The following MYBPC3 variants were observed in gnomAD, a reference collection of about 807,000 sequenced individuals.
The protein encoded by MYBPC3 is myosin-binding protein C, cardiac-type.
A neutral mutation model predicts 159.3 loss-of-function variants in MYBPC3; 108 were observed. The observed-to-expected ratio is 0.68, with a 90% CI of 0.58 to 0.80. The LOEUF is 0.80. Ranked by LOEUF, MYBPC3 falls within the 30% of genes least tolerant of loss-of-function variation. MYBPC3 has a pLI of 0.00. For missense variants in MYBPC3, 1,631 were observed against 1,762.1 expected, an observed-to-expected ratio of 0.93 and a Z score of 1.33; for synonymous variants, 730 against 702.0, an observed-to-expected ratio of 1.04 and a Z score of -0.63.
rs891357434 is a variant in MYBPC3 at position 47,338,883 on chromosome 11, G to A, written c.2149-204C>T. Among the ~76,000 whole-genome samples the A allele has an allele frequency of 5.3e-5, 8 of 152,138 alleles. No homozygotes were observed. The highest frequency in any genetic ancestry group is 1.0e-4 in the Non-Finnish European group (7 of 68,012). On this transcript the variant is annotated intron_variant, in intron 22 of 34. Transcript: ENST00000545968. The surrounding 1 kb of genome is among the most constrained non-coding windows in gnomAD (Gnocchi z 4.7). Reference sequence around the variant, plus strand: ...GGGTTCTAGCTTTGTCACGGGACCTGGGGCAACCACCTGTCCTCTCAGATG... The same window carrying A: ...GGGTTCTAGCTTTGTCACGGGACCTAGGGCAACCACCTGTCCTCTCAGATG...
In MYBPC3 at chr11:47,338,928, C is replaced by T. The variant is rs1032201365; in HGVS notation, c.2149-249G>A. Among the ~76,000 whole-genome samples the T allele has an allele frequency of 6.6e-6, 1 of 152,216 alleles. No homozygotes were observed. On this transcript the variant is annotated intron_variant, in intron 22 of 34. Coordinates refer to ENST00000545968, the MANE Select transcript of MYBPC3 (RefSeq NM_000256.3). The surrounding 1 kb of genome is among the most constrained non-coding windows in gnomAD (Gnocchi z 4.7). ...CAGATGAGCTATCATGAGGACCCCT[C>T]AAGACCCCAGCCTTCAGAAGAACCA... is the stretch of plus-strand genomic sequence containing the variant.
chr11:47,333,797 G>A (rs776551481), intron 28 of MYBPC3, 45 bp from the exon 29 acceptor site: 2 of 1,557,746 alleles, frequency 1.3e-6, no homozygotes, highest in East Asian at 2.3e-5. Context: ...TCACTCCAAG[G>A]GCCGGCCGCC....
Position 47,332,168 on chromosome 11 carries a change from TCTCCAGAGTCAACA to T in MYBPC3, c.3704_3717del (p.Val1235AspfsTer2), listed in dbSNP as rs2095877765. On this transcript the variant is annotated frameshift_variant, in exon 33 of 35. Transcript: ENST00000545968. LOFTEE classifies it high-confidence loss of function. This position sits in a 1 kb window ranked among gnomAD's most constrained non-coding sequence, Gnocchi z 4.2. ...CCGTCAAAGGGGCAGGGCTTTCTAA[TCTCCAGAGTCAACA>T]CTCCCTGCTTGCTGAACATGCGGAA... 6.2e-7 allele frequency: 1 copy of T among 1,613,650 alleles called. No individual in the cohort carries two copies. Among genetic ancestry groups the T allele is most frequent in the Non-Finnish European group, 8.5e-7 (1 of 1,179,902 alleles).
rs946763177 is a variant in MYBPC3 at position 47,335,131 on chromosome 11, C to T, written c.2816G>A (p.Arg939Gln). The change falls in exon 27 of 35, where the codon CGG becomes CAG. Residue 939 changes from arginine to glutamine, a missense_variant. Arg to Gln is a conservative substitution (Grantham distance 43). Transcript: ENST00000545968. ...ILVKDLPTGARLLFRVRAHNM... is the reference protein window; with the variant it reads ...ILVKDLPTGAQLLFRVRAHNM... ...GTGTGCCCGCACTCGGAAAAGCAGC[C>T]GGGCCCCCGTGGGCAGGTCCTTCAC... 1.3e-5 allele frequency: 21 copies of T among 1,612,532 alleles called. No homozygotes were observed. The highest frequency in any genetic ancestry group is 2.2e-5 in the East Asian group (1 of 44,758).
rs959418808 is a variant in MYBPC3, at chr11:47,335,909, T to C, written c.2705A>G (p.Asp902Gly). Reference sequence around the variant, plus strand: ...TGGGCAGTACTCCACGCTGTAGCCATCCAGGCCTCCTGCTCCCACGCGCTC... The same window carrying C: ...TGGGCAGTACTCCACGCTGTAGCCACCCAGGCCTCCTGCTCCCACGCGCTC... Reference protein sequence around the residue: ...PPERVGAGGLDGYSVEYCPEG... With the variant: ...PPERVGAGGLGGYSVEYCPEG... Residue 902 changes from aspartate to glycine, a missense_variant, in exon 26 of 35, where the codon GAT becomes GGT. Asp to Gly is a moderately conservative substitution (Grantham distance 94). Coordinates refer to ENST00000545968, the MANE Select transcript of MYBPC3 (RefSeq NM_000256.3). 1.9e-6 allele frequency: 3 copies of C among 1,542,984 alleles called. No homozygotes were observed. Among genetic ancestry groups the C allele is most frequent in the Non-Finnish European group, 1.7e-6 (2 of 1,143,132 alleles).
rs745577609 is a variant in MYBPC3, at chr11:47,346,158, G to A, written c.1090+49C>T. 117 of 1,608,298 alleles carry A rather than the reference G, an allele frequency of 7.3e-5. No individual in the cohort carries two copies. Among genetic ancestry groups the A allele is most frequent in the Non-Finnish European group, 9.9e-5 (117 of 1,177,368 alleles). On this transcript the variant is annotated intron_variant, in intron 12 of 34. Transcript: ENST00000545968. This position sits in a 1 kb window ranked among gnomAD's most constrained non-coding sequence, Gnocchi z 5.3. ...CTATGCCCTCTCCTCTCCTGTGTAGGGAAGGGCTAGCCTGTGCCCTCTCCT... is the reference window on the plus strand; with the variant it reads ...CTATGCCCTCTCCTCTCCTGTGTAGAGAAGGGCTAGCCTGTGCCCTCTCCT...
chr11:47,350,090 A>G lies in MYBPC3; in HGVS notation c.429T>C (p.Asn143=). 1 of 1,558,196 alleles carries G rather than the reference A, an allele frequency of 6.4e-7. No homozygotes were observed. The highest frequency in any genetic ancestry group is 8.7e-7 in the Non-Finnish European group (1 of 1,150,720). ...CATCGGGGGCTCCAGGGGTAGGACC[A>G]TTGAGAGCTGCTGAGCTTGACCCTG... ...SPKGSSSAAL[N]GPTPGAPDDP... is the part of the protein sequence containing the mutation. Residue 143 remains asparagine (N), a synonymous_variant, in exon 4 of 35, where the codon AAT becomes AAC. Coordinates refer to ENST00000545968, the MANE Select transcript of MYBPC3 (RefSeq NM_000256.3).
chr11:47,339,340 C>A lies in MYBPC3; in HGVS notation c.2132G>T (p.Trp711Leu), dbSNP rs2095885868. 1.2e-6 allele frequency: 2 copies of A among 1,614,046 alleles called. No individual in the cohort carries two copies. The highest frequency in any genetic ancestry group is 2.2e-5 in the East Asian group (1 of 44,888). Residue 711 changes from tryptophan to leucine, a missense_variant, in exon 22 of 35, where the codon TGG (tryptophan) becomes TTG (leucine). Physicochemically the swap from Trp to Leu is moderately conservative, Grantham distance 61. Transcript: ENST00000545968. ...CTCACTCACCTTCTTGTCAAACACC[C>A]ACTCATCGCTGTCACCTGTGTCCTC... ...APEDTGDSDE[W>L]VFDKKLLCET...
At chr11:47,336,997 TGGA>T (rs2095882937) in intron 25 of MYBPC3, among the ~76,000 whole-genome samples, 1 of 152,162 alleles carries the variant, frequency 6.6e-6, no homozygotes, top group Admixed American at 6.5e-5. Flanking sequence ...TTGAAGGGTG[TGGA>T]GAACAGGGGA....
Position 47,349,798 on chromosome 11 carries a change from G to A in MYBPC3, c.630C>T (p.His210=), listed in dbSNP as rs762695516. Residue 210 remains histidine (H), a synonymous_variant, in exon 5 of 35, where the codon CAC becomes CAT. Coordinates refer to ENST00000545968, the MANE Select transcript of MYBPC3 (RefSeq NM_000256.3). ...CCTTGCTGGCGCGGTCGTAGCTGTC[G>A]TGCAGCTGCAGGTGCTGGCCCACCT... The part of the protein sequence containing the change: ...SSKVGQHLQL[H]DSYDRASKVY... 6.0e-5 allele frequency: 96 copies of A among 1,608,492 alleles called. No individual in the cohort carries two copies. The highest frequency in any genetic ancestry group is 9.9e-5 in the South Asian group (9 of 90,862).
rs569805236 is a variant in MYBPC3 at position 47,350,764 on chromosome 11, G to C, written c.293-149C>G. On this transcript the variant is annotated intron_variant, in intron 2 of 34. Coordinates refer to ENST00000545968, the MANE Select transcript of MYBPC3 (RefSeq NM_000256.3). ...CCGCTGCCTGGGCCCCTCAGAGGCA[G>C]CTCATGCTGAGCTGGAGAGCCAGCC... 6.3e-6 allele frequency: 8 copies of C among 1,275,272 alleles called. No homozygotes were observed. In the African/African-American group the frequency reaches 1.1e-4, roughly 18 times the overall value. The allele number at this position is 1,275,272 out of a possible 1,614,324, so 79.0% of individuals were successfully genotyped here.
intron 20 of MYBPC3, 36 bp from the exon 21 acceptor site, chr11:47,339,826 G>A (rs1040812001): frequency 3.1e-6 from 5 of 1,601,826 alleles, no homozygotes; most frequent in Non-Finnish European, 4.3e-6. Context: ...AGAAACGGGA[G>A]AGCCAGGAGG....
rs373171036 is a variant in MYBPC3, at chr11:47,337,433, T to C, written c.2560A>G (p.Met854Val). 8 of 1,610,184 alleles carry C rather than the reference T, an allele frequency of 5.0e-6. No homozygotes were observed. The African/African-American group carries it at 1.1e-4, about 21-fold the overall frequency. ...MRVYAVNAIGMSRPSPASQPF... is the reference protein window; with the variant it reads ...MRVYAVNAIGVSRPSPASQPF... ...TGGGAGGCAGGGCTGGGCCTGGACA[T>C]GCCGATGGCGTTGACCGCGTAGACG... Residue 854 changes from methionine to valine, a missense_variant, in exon 25 of 35, where the codon ATG becomes GTG. Physicochemically the swap from Met to Val is conservative, Grantham distance 21. Transcript: ENST00000545968.
rs1337113054 is a variant in MYBPC3 at position 47,342,605 on chromosome 11, G to C, written c.1597C>G (p.Gln533Glu). The change falls in exon 17 of 35, where the codon CAG becomes GAG. Residue 533 changes from glutamine (Q) to glutamate (E), a missense_variant. Physicochemically the swap from Gln to Glu is conservative, Grantham distance 29 (BLOSUM62 2). Transcript: ENST00000545968. ...TGCACAATGAGCTCAGCCAGCGCCT[G>C]GCCCCCGCTAGTGCACAGTGCATAG... is the stretch of plus-strand genomic sequence containing the variant. Reference protein sequence around the residue: ...GHYALCTSGGQALAELIVQEK... With the variant: ...GHYALCTSGGEALAELIVQEK... The C allele has an allele frequency of 6.2e-7, 1 of 1,611,230 alleles. No homozygotes were observed. Among genetic ancestry groups the C allele is most frequent in the East Asian group, 2.2e-5 (1 of 44,834 alleles).
chr11:47,347,628 G>A lies in MYBPC3; in HGVS notation c.851+23C>T, dbSNP rs2095895595. 3.2e-6 allele frequency: 5 copies of A among 1,571,284 alleles called. No individual in the cohort carries two copies. In the East Asian group the frequency reaches 1.2e-4, roughly 37 times the overall value. ...CCCCTGGGGGTCTGCGGATGGTGCAGGTAGGGCCTGGGGCAGGGGTACCTG... is the reference window on the plus strand; with the variant it reads ...CCCCTGGGGGTCTGCGGATGGTGCAAGTAGGGCCTGGGGCAGGGGTACCTG... On this transcript the variant is annotated intron_variant, in intron 8 of 34. Coordinates refer to ENST00000545968, the MANE Select transcript of MYBPC3 (RefSeq NM_000256.3).
chr11:47,341,528 C>T (rs1422166173), intron 18 of MYBPC3, among the ~76,000 whole-genome samples: 1 of 152,236 alleles, frequency 6.6e-6, no homozygotes, highest in Non-Finnish European at 1.5e-5. Flanking sequence ...GAACTTGGGC[C>T]CAGCACGGCC....
chr11:47,348,584 C>CG, intron 5 of MYBPC3, 43 bp from the exon 6 acceptor site: 1 of 1,511,136 alleles, frequency 6.6e-7, no homozygotes. Context: ...CACCAGGGGC[C>CG]GGGAGACAAG....
Position 47,346,001 on chromosome 11 carries a change from A to T in MYBPC3, c.1090+206T>A, listed in dbSNP as rs1428356989. Among the ~76,000 whole-genome samples the T allele has an allele frequency of 6.6e-6, 1 of 151,758 alleles. No homozygotes were observed. The highest frequency in any genetic ancestry group is 1.5e-5 in the Non-Finnish European group (1 of 67,908). On this transcript the variant is annotated intron_variant, in intron 12 of 34. Transcript: ENST00000545968. The surrounding 1 kb of genome is among the most constrained non-coding windows in gnomAD (Gnocchi z 5.3). Reference sequence around the variant, plus strand: ...TGGGCATTCTTGGCTTTTTCTACACAAGGAGGGGTTAACCTGGGCTCTTCT... The same window carrying T: ...TGGGCATTCTTGGCTTTTTCTACACTAGGAGGGGTTAACCTGGGCTCTTCT...
rs1190565927 is a variant in MYBPC3, at chr11:47,343,101, C to T, written c.1271G>A (p.Ser424Asn). 2 of 1,612,182 alleles carry T rather than the reference C, an allele frequency of 1.2e-6. No individual in the cohort carries two copies. Among genetic ancestry groups the T allele is most frequent in the South Asian group, 2.2e-5 (2 of 90,648 alleles). ...TGCGTCGTCCGCCAATGAGCACTGG[C>T]TGATGGTCAGGGTACGCTTGGCACC... ...SIGAKRTLTI[S>N]QCSLADDAAY... Residue 424 changes from serine to asparagine, a missense_variant, in exon 15 of 35, where the codon AGC (serine) becomes AAC (asparagine). Ser to Asn is a conservative substitution (Grantham distance 46). Transcript: ENST00000545968.
Sources: allele counts gnomAD v4.1 joint callset (sites outside exome capture counted in the v4.1 genomes callset), GRCh38; gene constraint gnomAD v4.1.1; non-coding constraint Gnocchi (gnomAD v3.1); transcripts MANE v1.5; gene names NCBI Gene and HGNC (gene_info 2026-07-23, HGNC 2026-07-21).